Variants in LITAF observed in about 807,000 individuals in gnomAD.
The protein encoded by LITAF is lipopolysaccharide-induced tumor necrosis factor-alpha factor.
LITAF carries 9 observed loss-of-function variants against 14.5 expected under a neutral mutation model. That is an observed-to-expected ratio of 0.62 (90% CI 0.37 to 1.08). The LOEUF is 1.08. LITAF is among the 50% of genes least tolerant of loss of function. The pLI, the probability that LITAF is intolerant of heterozygous loss-of-function variation, is 0.01. For synonymous variants in LITAF, 98 were observed against 88.2 expected, an observed-to-expected ratio of 1.11 and a Z score of -0.62; for missense variants, 206 against 213.4, an observed-to-expected ratio of 0.97 and a Z score of 0.22.
intron 1 of LITAF, among the ~76,000 whole-genome samples, chr16:11,560,888 T>A (rs1357710881): frequency 6.6e-6 from 1 of 152,192 alleles, no homozygotes; most frequent in East Asian, 1.9e-4. Flanking sequence ...GGCGTGTTGC[T>A]AGTTTCCTCT....
In LITAF at chr16:11,553,315, G is replaced by A. The variant is rs1015433696; in HGVS notation, c.377+218C>T. The A allele has an allele frequency of 3.6e-6, 2 of 550,472 alleles. No homozygotes were observed. Among genetic ancestry groups the A allele is most frequent in the African/African-American group, 3.8e-5 (2 of 52,724 alleles). The allele number at this position is 550,472 out of a possible 1,614,324, so 34.1% of individuals were successfully genotyped here. A position where few individuals can be genotyped will look rare whatever the true frequency, so the allele number is the denominator to read the frequency against. On this transcript the variant is annotated intron_variant, in intron 3 of 3. Coordinates refer to ENST00000622633, the MANE Select transcript of LITAF (RefSeq NM_001136472.2). This position sits in a 1 kb window ranked among gnomAD's most constrained non-coding sequence, Gnocchi z 7.7. ...AATCCCAGCTACACGGGACGCTAAG[G>A]CAGGAGAATCGTTTGAACCTGAGCA...
chr16:11,570,909 C>A (rs991372584), intron 1 of LITAF, among the ~76,000 whole-genome samples: 1 of 151,816 alleles, frequency 6.6e-6, no homozygotes, highest in African/African-American at 2.4e-5. Context: ...CAGAGCAAGA[C>A]CTCTGTTGGG....
chr16:11,589,252 A>T (rs952257180), upstream of LITAF, among the ~76,000 whole-genome samples: 2 of 152,204 alleles, frequency 1.3e-5, no homozygotes, highest in African/African-American at 2.4e-5. Flanking sequence ...TTTCATGATT[A>T]AAAAAATAAT....
rs2064307403 is a variant in LITAF at position 11,558,404 on chromosome 16, C to T, written c.-5-1669G>A. ...GGGCAACATGGTGAGACCCCCATCT[C>T]TAAAACAAAACAAAACAAAAGGGCT... On this transcript the variant is annotated intron_variant, in intron 1 of 3. Transcript: ENST00000622633. This position sits in a 1 kb window ranked among gnomAD's most constrained non-coding sequence, Gnocchi z 4.1. Among the ~76,000 whole-genome samples the T allele has an allele frequency of 6.7e-6, 1 of 148,770 alleles. No homozygotes were observed. The highest frequency in any genetic ancestry group is 2.6e-5 in the African/African-American group (1 of 38,342).
Position 11,586,811 on chromosome 16 carries a change from G to A in LITAF, c.-6+75C>T, listed in dbSNP as rs899367763. ...AAGGGCTCAGTGCCCGGGGCCCCCAGCAGGTGCTGGCGCCACCGGCCCCCC... is the reference window on the plus strand; with the variant it reads ...AAGGGCTCAGTGCCCGGGGCCCCCAACAGGTGCTGGCGCCACCGGCCCCCC... On this transcript the variant is annotated intron_variant, in intron 1 of 3. Transcript: ENST00000622633. The surrounding 1 kb of genome is among the most constrained non-coding windows in gnomAD (Gnocchi z 6.5). 7 of 151,728 alleles carry A rather than the reference G, an allele frequency of 4.6e-5. No homozygotes were observed. Among genetic ancestry groups the A allele is most frequent in the African/African-American group, 1.7e-4 (7 of 41,312 alleles). 9.4% of individuals were successfully genotyped at this position (151,728 alleles called of 1,614,324 possible). A position where few individuals can be genotyped will look rare whatever the true frequency, so the allele number is the denominator to read the frequency against.
chr16:11,616,428 G>A (rs912638743), intron 3 of LITAF, among the ~76,000 whole-genome samples: 27 of 151,788 alleles, frequency 1.8e-4, no homozygotes, highest in Middle Eastern at 3.4e-3. Context: ...AGTGAGCTAC[G>A]ATTGTGCCAC....
At chr16:11,551,877 A>G in intron 3 of LITAF, 1 of 472,264 alleles carries the variant, frequency 2.1e-6, no homozygotes. Context: ...CTGATTCCAA[A>G]GATAAAAAAT....
chr16:11,604,675 T>C (rs2064945731), intron 3 of LITAF, among the ~76,000 whole-genome samples: 1 of 148,628 alleles, frequency 6.7e-6, no homozygotes. Context: ...AAGAATCTAC[T>C]AGGTGGTGGC....
chr16:11,595,037 GA>G (rs974509932), intron 1 of LITAF, among the ~76,000 whole-genome samples: 1 of 152,096 alleles, frequency 6.6e-6, no homozygotes, highest in East Asian at 1.9e-4. Flanking sequence ...GTTGCTTATT[GA>G]AAAAAACTAA....
chr16:11,565,766 G>A (rs186112169), intron 1 of LITAF, among the ~76,000 whole-genome samples: 8 of 152,044 alleles, frequency 5.3e-5, no homozygotes, highest in East Asian at 1.9e-4. Context: ...AACATGTCAC[G>A]GGCATGCTCT....
intron 1 of LITAF, chr16:11,561,392 G>C (rs1303287802): frequency 2.0e-5 from 3 of 152,158 alleles, no homozygotes; most frequent in East Asian, 3.8e-4. Context: ...TTCTTTTGAC[G>C]ACCTTTAAAA....
chr16:11,611,481 C>G (rs2064981757), intron 3 of LITAF, among the ~76,000 whole-genome samples: 1 of 152,148 alleles, frequency 6.6e-6, no homozygotes, highest in South Asian at 2.1e-4. Flanking sequence ...TTGAATTTAA[C>G]CAGGCATCCT....
chr16:11,610,159 C>T (rs959933026), intron 3 of LITAF, among the ~76,000 whole-genome samples: 1 of 152,268 alleles, frequency 6.6e-6, no homozygotes, highest in East Asian at 1.9e-4. Context: ...GTGGGGGGAC[C>T]CCATAAAGAA....
upstream of LITAF, among the ~76,000 whole-genome samples, chr16:11,601,223 C>T (rs1349793585): frequency 6.6e-6 from 1 of 151,980 alleles, no homozygotes; most frequent in African/African-American, 2.4e-5. Context: ...AGGGTTTCCA[C>T]AAATCAGACA....
chr16:11,612,070 G>A (rs537475729), intron 3 of LITAF, among the ~76,000 whole-genome samples: 10 of 152,244 alleles, frequency 6.6e-5, no homozygotes, highest in Admixed American at 1.3e-4. Flanking sequence ...CTCGGGGCTC[G>A]GAAATCACCA....
chr16:11,601,929 T>A (rs1362044553), upstream of LITAF, among the ~76,000 whole-genome samples: 1 of 152,178 alleles, frequency 6.6e-6, no homozygotes, highest in Non-Finnish European at 1.5e-5. Context: ...TGTGCCTAGA[T>A]GGGATGTTCT....
At position 11,548,409 on chromosome 16, in the gene LITAF, G is replaced by C. The variant is rs770384591; in HGVS notation, c.*1228C>G. 2.2e-6 allele frequency: 1 copy of C among 453,842 alleles called. No homozygotes were observed. Among genetic ancestry groups the C allele is most frequent in the South Asian group, 1.6e-5 (1 of 64,464 alleles). 28.1% of individuals were successfully genotyped at this position (453,842 alleles called of 1,614,324 possible). On this transcript the variant is annotated 3_prime_UTR_variant, in exon 4 of 4. Coordinates refer to ENST00000622633, the MANE Select transcript of LITAF (RefSeq NM_001136472.2). The stretch of plus-strand genomic sequence containing the variant: ...TTTAGATTCCTCTGAAACAGTTCTG[G>C]TTCCCAAGCATCCGCACCATGGTAC...
intron 3 of LITAF, among the ~76,000 whole-genome samples, chr16:11,616,044 G>A (rs1054887745): frequency 2.6e-5 from 4 of 152,136 alleles, no homozygotes; most frequent in Non-Finnish European, 5.9e-5. Flanking sequence ...TTCTGGGAGC[G>A]TTCAGGTTGC....
chr16:11,574,121 A>C (rs1054594376), intron 1 of LITAF, among the ~76,000 whole-genome samples: 29 of 152,092 alleles, frequency 1.9e-4, no homozygotes, highest in Admixed American at 1.4e-3. Flanking sequence ...AGCTCATTGC[A>C]GCCTGGAGCT....
Sources: gnomAD v4.1 joint callset for allele counts (sites outside exome capture counted in the v4.1 genomes callset) on GRCh38, gnomAD v4.1.1 for gene constraint, Gnocchi (gnomAD v3.1) non-coding constraint, MANE v1.5 for transcripts, NCBI Gene and HGNC (gene_info 2026-07-23, HGNC 2026-07-21) for gene names.